BANP: variants seen among roughly 807,000 people sequenced by gnomAD.
BANP encodes the protein BTG3 associated nuclear protein, also known as protein BANP.
A neutral mutation model predicts 68.1 loss-of-function variants in BANP; 11 were observed. The ratio of observed to expected loss-of-function variants is 0.16; its 90% CI spans 0.10 to 0.27. The LOEUF (loss-of-function observed/expected upper bound fraction) is 0.27, where lower values mean the gene tolerates loss of function less well. BANP is among the 10% of genes least tolerant of loss of function. BANP has a pLI of 1.00. For missense variants in BANP, 504 were observed against 722.7 expected (o/e 0.70, Z 3.47); for synonymous variants, 329 against 303.2 (o/e 1.09, Z -0.88).
chr16:87,974,260 C>A (rs532374680), intron 1 of BANP, among the ~76,000 whole-genome samples: 4 of 152,196 alleles, frequency 2.6e-5, no homozygotes, highest in Non-Finnish European at 5.9e-5. Context: ...TTGAATGATG[C>A]AGCCTTATTT....
At chr16:87,982,995 C>T (rs1016925008) in intron 3 of BANP, among the ~76,000 whole-genome samples, 1 of 152,196 alleles carries the variant, frequency 6.6e-6, no homozygotes, top group African/African-American at 2.4e-5. Flanking sequence ...GGGCCGGCCT[C>T]CCGCTCCCCT....
At chr16:88,026,496 C>A (rs1160393347) in intron 7 of BANP, among the ~76,000 whole-genome samples, 2 of 152,200 alleles carry the variant, frequency 1.3e-5, no homozygotes, top group Non-Finnish European at 2.9e-5. Flanking sequence ...AACAAAGGCC[C>A]CTGTGTTTAT....
At chr16:87,968,570 G>A (rs2060541173) in intron 1 of BANP, among the ~76,000 whole-genome samples, 2 of 151,712 alleles carry the variant, frequency 1.3e-5, no homozygotes, top group African/African-American at 4.9e-5. Context: ...CTGTATTGAT[G>A]ACATGTAGCT....
chr16:88,033,176 G>C lies in BANP; in HGVS notation c.1131G>C (p.Leu377=). 1.9e-6 allele frequency: 3 copies of C among 1,611,724 alleles called. No homozygotes were observed. The highest frequency in any genetic ancestry group is 2.5e-6 in the Non-Finnish European group (3 of 1,178,228). The change falls in exon 9 of 14, where the codon CTG becomes CTC. Residue 377 remains leucine, a synonymous_variant. Coordinates refer to ENST00000682872, the MANE Select transcript of BANP (RefSeq NM_001386991.1). The part of the protein sequence containing the change: ...LPQPQPQPQA[L]HYALANAQQV... ...AGCCACAGCCGCAGCCGCAGGCCCTGCACTACGCGCTGGCCAACGCACAGC... is the reference window on the plus strand; with the variant it reads ...AGCCACAGCCGCAGCCGCAGGCCCTCCACTACGCGCTGGCCAACGCACAGC...
At chr16:88,035,479 C>T (rs1424104609) in intron 10 of BANP, 85 bp downstream of exon 10, 49 of 1,296,322 alleles carry the variant, frequency 3.8e-5, no homozygotes, top group Non-Finnish European at 5.0e-5. Context: ...AGTGCGAGGG[C>T]AGCAGGGAGC....
chr16:87,974,906 T>G, intron 1 of BANP, 142 bp from the exon 2 acceptor site: 1 of 557,542 alleles, frequency 1.8e-6, no homozygotes, highest in Non-Finnish European at 3.2e-6. Context: ...CTTTTGGGGG[T>G]TTGAGGCAAG....
chr16:87,999,234 G>T (rs2068345434), intron 4 of BANP, among the ~76,000 whole-genome samples: 1 of 133,482 alleles, frequency 7.5e-6, no homozygotes, highest in African/African-American at 2.8e-5. Context: ...CTCCATGCAC[G>T]CACGTGCGCG....
In BANP at chr16:87,983,754, TTAA is replaced by T. The variant is rs1214799069; in HGVS notation, c.163-299_163-297del. On this transcript the variant is annotated intron_variant, in intron 3 of 13. Coordinates refer to ENST00000682872, the MANE Select transcript of BANP (RefSeq NM_001386991.1). Reference sequence around the variant, plus strand: ...CTAGTTTTATGTGTAAATTTACTGATTAATAATAACATATTAAAGTACATTTTT... The same window carrying T: ...CTAGTTTTATGTGTAAATTTACTGATTAATAACATATTAAAGTACATTTTT... Among the ~76,000 whole-genome samples, 7 of 152,328 alleles carry T rather than the reference TTAA, an allele frequency of 4.6e-5. No homozygotes were observed. In the South Asian group the frequency reaches 1.0e-3, roughly 23 times the overall value.
chr16:88,022,488 A>G (rs1231238921), intron 7 of BANP, among the ~76,000 whole-genome samples: 1 of 152,212 alleles, frequency 6.6e-6, no homozygotes, highest in East Asian at 1.9e-4. Context: ...TTTTCAAATC[A>G]TTCACTCCAA....
At chr16:87,971,065 A>G (rs2061026854) in intron 1 of BANP, among the ~76,000 whole-genome samples, 1 of 151,226 alleles carries the variant, frequency 6.6e-6, no homozygotes, top group Admixed American at 6.6e-5. Flanking sequence ...CTGAATGAAC[A>G]TTGTAACATT....
intron 2 of BANP, among the ~76,000 whole-genome samples, chr16:87,977,391 G>C (rs11117341): frequency 0.34 from 51,261 of 149,488 alleles, 10,100 homozygotes; most frequent in Non-Finnish European, 0.46. Context: ...TGCACTCCAG[G>C]CTGGGCGACA....
chr16:88,040,782 G>A (rs1428880718), intron 11 of BANP, among the ~76,000 whole-genome samples: 1 of 152,242 alleles, frequency 6.6e-6, no homozygotes, highest in Non-Finnish European at 1.5e-5. Context: ...TGCAGCCCAC[G>A]CTTGTTCCAG....
chr16:88,022,575 G>A (rs998270655), intron 7 of BANP, among the ~76,000 whole-genome samples: 46 of 152,328 alleles, frequency 3.0e-4, no homozygotes, highest in Admixed American at 2.4e-3. Flanking sequence ...GCAGGTGTGC[G>A]ACCTGGCCCC....
At chr16:88,014,909 A>G (rs997971255) in intron 6 of BANP, among the ~76,000 whole-genome samples, 5 of 152,028 alleles carry the variant, frequency 3.3e-5, no homozygotes, top group African/African-American at 1.2e-4. Context: ...GGAAGTTTAA[A>G]GACAGTGGGT....
intron 11 of BANP, among the ~76,000 whole-genome samples, chr16:88,040,956 T>G (rs534665445): frequency 6.6e-6 from 1 of 152,374 alleles, no homozygotes; most frequent in South Asian, 2.1e-4. Flanking sequence ...GGCAGTAGAC[T>G]CAGAATCTGA....
chr16:88,069,097 A>G (rs1163769119), intron 12 of BANP, among the ~76,000 whole-genome samples: 1 of 152,086 alleles, frequency 6.6e-6, no homozygotes, highest in Admixed American at 6.5e-5. Context: ...GAAACAGTCC[A>G]GAAGCCTCAG....
At chr16:88,025,129 C>G (rs1373598279) in intron 7 of BANP, among the ~76,000 whole-genome samples, 1 of 152,116 alleles carries the variant, frequency 6.6e-6, no homozygotes, top group Non-Finnish European at 1.5e-5. Flanking sequence ...GGTGGGATGG[C>G]TGTTTCTTTC....
intron 7 of BANP, among the ~76,000 whole-genome samples, chr16:88,020,050 G>A (rs1470321258): frequency 1.3e-5 from 2 of 152,234 alleles, no homozygotes; most frequent in Non-Finnish European, 2.9e-5. Flanking sequence ...CCTGAGGGTA[G>A]TATCAGATAA....
intron 6 of BANP, among the ~76,000 whole-genome samples, chr16:88,009,676 G>A (rs2072434802): frequency 6.6e-6 from 1 of 152,122 alleles, no homozygotes; most frequent in South Asian, 2.1e-4. Context: ...TGAAAGCATG[G>A]AACAGTAGAC....
Sources: allele counts gnomAD v4.1 joint callset (sites outside exome capture counted in the v4.1 genomes callset), GRCh38; gene constraint gnomAD v4.1.1; transcripts MANE v1.5; gene names NCBI Gene and HGNC (gene_info 2026-07-23, HGNC 2026-07-21).